The following WDR72 variants were observed in gnomAD, a reference collection of about 807,000 sequenced individuals.
The protein encoded by WDR72 is WD repeat domain 72.
A neutral mutation model predicts 124.2 loss-of-function variants in WDR72; 120 were observed. The observed-to-expected ratio is 0.97, with a 90% CI of 0.83 to 1.12. WDR72 has a LOEUF of 1.12. WDR72 is among the 50% of genes most tolerant of loss of function. The probability of loss-of-function intolerance (pLI) is 0.00; values close to 1 mark genes in which losing one functional copy is unlikely to be tolerated. For missense variants in WDR72, 1,387 were observed against 1,278.8 expected (o/e 1.08, Z -1.29); for synonymous variants, 452 against 441.7 (o/e 1.02, Z -0.29).
At chr15:53,619,794 T>C (rs1393047997) in intron 14 of WDR72, among the ~76,000 whole-genome samples, 1 of 152,096 alleles carries the variant, frequency 6.6e-6, no homozygotes, top group Non-Finnish European at 1.5e-5. Context: ...GTTTTGCTTT[T>C]TACCTCTAAG....
At chr15:53,705,762 C>A (rs2017333964) in intron 10 of WDR72, among the ~76,000 whole-genome samples, 165 bp downstream of exon 10, 1 of 152,214 alleles carries the variant, frequency 6.6e-6, no homozygotes, top group Non-Finnish European at 1.5e-5. Context: ...TGTGCCCCGC[C>A]TAAGCTTTGT....
At chr15:53,657,637 T>G (rs1047667266) in intron 14 of WDR72, among the ~76,000 whole-genome samples, 1 of 152,148 alleles carries the variant, frequency 6.6e-6, no homozygotes. Context: ...AATGAAATAT[T>G]GTAGGGGGAG....
chr15:53,742,935 C>CAATATAT (rs1381070872), intron 1 of WDR72, among the ~76,000 whole-genome samples: 3 of 152,006 alleles, frequency 2.0e-5, no homozygotes, highest in Non-Finnish European at 2.9e-5. Flanking sequence ...ATTATATAAA[C>CAATATAT]AACCAAACAT....
chr15:53,521,029 G>T (rs1050628086), intron 19 of WDR72, among the ~76,000 whole-genome samples: 1 of 152,016 alleles, frequency 6.6e-6, no homozygotes, highest in Non-Finnish European at 1.5e-5. Context: ...TCTTTGTTGT[G>T]TGTCCCTGAA....
intron 4 of WDR72, among the ~76,000 whole-genome samples, chr15:53,715,744 G>A (rs541137414): frequency 6.6e-6 from 1 of 152,182 alleles, no homozygotes; most frequent in Non-Finnish European, 1.5e-5. Flanking sequence ...AAGACCACTT[G>A]AGGCCAGGAA....
intron 13 of WDR72, among the ~76,000 whole-genome samples, chr15:53,692,787 TC>T (rs1425687842): frequency 2.0e-5 from 3 of 151,962 alleles, no homozygotes; most frequent in African/African-American, 4.8e-5. Context: ...AAACAAAGAT[TC>T]AAAAAATGGT....
At chr15:53,618,724 C>T (rs942525999) in intron 14 of WDR72, among the ~76,000 whole-genome samples, 25 of 152,124 alleles carry the variant, frequency 1.6e-4, no homozygotes, top group African/African-American at 5.8e-4. Context: ...TCCACTGCCT[C>T]GCTGTGATTC....
At chr15:53,682,361 A>C (rs972613781) in intron 13 of WDR72, among the ~76,000 whole-genome samples, 2 of 151,722 alleles carry the variant, frequency 1.3e-5, no homozygotes, top group African/African-American at 4.8e-5. Flanking sequence ...CATGCATGTA[A>C]AGATGTACAC....
intron 8 of WDR72, among the ~76,000 whole-genome samples, 183 bp from the exon 9 acceptor site, chr15:53,711,136 A>C (rs1005089133): frequency 6.6e-6 from 1 of 152,204 alleles, no homozygotes; most frequent in East Asian, 1.9e-4. Context: ...CAAGTTATAC[A>C]TGGTTAATCT....
intron 1 of WDR72, among the ~76,000 whole-genome samples, chr15:53,747,456 GA>G (rs2018669598): frequency 6.6e-6 from 1 of 152,132 alleles, no homozygotes; most frequent in African/African-American, 2.4e-5. Flanking sequence ...TTTAGATAGA[GA>G]ATATCTTAGC....
chr15:53,579,063 G>C (rs1398496679), intron 18 of WDR72, among the ~76,000 whole-genome samples: 1 of 152,056 alleles, frequency 6.6e-6, no homozygotes, highest in Non-Finnish European at 1.5e-5. Context: ...ATGGACTCCT[G>C]ATGAGGAAGG....
intron 17 of WDR72, among the ~76,000 whole-genome samples, chr15:53,608,867 G>A (rs1197899684): frequency 6.6e-6 from 1 of 152,034 alleles, no homozygotes; most frequent in African/African-American, 2.4e-5. Flanking sequence ...GTGTGGGATA[G>A]AGGTAGGTGG....
At chr15:53,744,198 G>C (rs1056535577) in intron 1 of WDR72, among the ~76,000 whole-genome samples, 4 of 152,148 alleles carry the variant, frequency 2.6e-5, no homozygotes, top group African/African-American at 9.7e-5. Flanking sequence ...GAGCTATGAA[G>C]AGTTTATAGG....
At chr15:53,541,319 A>C (rs1008973367) in intron 18 of WDR72, among the ~76,000 whole-genome samples, 2 of 152,268 alleles carry the variant, frequency 1.3e-5, no homozygotes, top group East Asian at 1.9e-4. Flanking sequence ...CTGCCTCCTC[A>C]AGTGGGTCCC....
intron 1 of WDR72, among the ~76,000 whole-genome samples, chr15:53,758,895 A>G (rs147631768): frequency 3.3e-5 from 5 of 152,030 alleles, no homozygotes; most frequent in African/African-American, 7.2e-5. Flanking sequence ...GGAAGATGGT[A>G]TAAGTCAGCA....
At chr15:53,518,331 C>T (rs1891579672) in intron 19 of WDR72, among the ~76,000 whole-genome samples, 1 of 152,000 alleles carries the variant, frequency 6.6e-6, no homozygotes, top group Non-Finnish European at 1.5e-5. Flanking sequence ...TTTTAAAACA[C>T]ATTTATATTA....
At chr15:53,740,743 T>C (rs989552946) in intron 1 of WDR72, among the ~76,000 whole-genome samples, 3 of 152,218 alleles carry the variant, frequency 2.0e-5, no homozygotes, top group African/African-American at 7.2e-5. Flanking sequence ...TTTCATTATT[T>C]TTAAGCTCTG....
chr15:53,742,660 A>G (rs2018540156), intron 1 of WDR72, among the ~76,000 whole-genome samples: 1 of 152,202 alleles, frequency 6.6e-6, no homozygotes, highest in Non-Finnish European at 1.5e-5. Context: ...AGAAAAAAAA[A>G]TAGGCATCAT....
At chr15:53,608,755 C>A (rs1022130823) in intron 17 of WDR72, among the ~76,000 whole-genome samples, 1 of 62,574 alleles carries the variant, frequency 1.6e-5, no homozygotes. Context: ...GATCCTTTCT[C>A]AAAAATAAAT....
Sources: allele counts gnomAD v4.1 joint callset (sites outside exome capture counted in the v4.1 genomes callset), GRCh38; gene constraint gnomAD v4.1.1; transcripts MANE v1.5; gene names NCBI Gene and HGNC (gene_info 2026-07-23, HGNC 2026-07-21).